Variants in ZNF609 observed in about 807,000 individuals in gnomAD.
The protein encoded by ZNF609 is zinc finger protein 609.
Under a neutral mutation model 109.5 loss-of-function variants are expected in ZNF609, and 11 were observed. That is an observed-to-expected ratio of 0.10 (90% confidence interval 0.06 to 0.17). The LOEUF (loss-of-function observed/expected upper bound fraction) is 0.17. ZNF609 is among the 10% of genes least tolerant of loss of function. The pLI is 1.00. For missense variants in ZNF609, 1,559 were observed against 1,772.4 expected, an observed-to-expected ratio of 0.88 and a Z score of 2.16; for synonymous variants, 646 against 662.0, an observed-to-expected ratio of 0.98 and a Z score of 0.37.
chr15:64,588,296 G>T (rs1895232169), intron 2 of ZNF609, among the ~76,000 whole-genome samples: 1 of 149,718 alleles, frequency 6.7e-6, no homozygotes, highest in Admixed American at 6.6e-5. Context: ...GGGCGTGGTG[G>T]CGGGCACCTG....
At chr15:64,631,069 AT>A in intron 3 of ZNF609, 2 of 376,162 alleles carry the variant, frequency 5.3e-6, no homozygotes, top group Non-Finnish European at 1.0e-5. Context: ...GAAGAGAAAC[AT>A]TTTTACAGTC....
Position 64,577,192 on chromosome 15 carries a change from TAC to T in ZNF609, c.748-45629_748-45628del, listed in dbSNP as rs368718466. Among the ~76,000 whole-genome samples, 640 of 124,586 alleles carry T rather than the reference TAC, an allele frequency of 5.1e-3. 179 individuals carry two copies. Among genetic ancestry groups the T allele is most frequent in the South Asian group, 0.02 (82 of 4,132 alleles). The allele number at this position is 124,586 out of a possible 152,430, so 81.7% of individuals were successfully genotyped here. On this transcript the variant is annotated intron_variant, in intron 2 of 9. Coordinates refer to ENST00000326648, the MANE Select transcript of ZNF609 (RefSeq NM_015042.2). ...CAATATATACATATATGTGTATATATACACACAAATACATATATATGTATATA... is the reference window on the plus strand; with the variant it reads ...CAATATATACATATATGTGTATATATACACAAATACATATATATGTATATA...
intron 3 of ZNF609, among the ~76,000 whole-genome samples, chr15:64,652,567 T>G (rs1231840344): frequency 6.6e-6 from 1 of 151,998 alleles, no homozygotes; most frequent in Non-Finnish European, 1.5e-5. Flanking sequence ...TTATATTTTT[T>G]GTAGGTACGG....
intron 2 of ZNF609, among the ~76,000 whole-genome samples, chr15:64,602,970 C>T (rs1202473657): frequency 3.0e-5 from 4 of 133,690 alleles, no homozygotes; most frequent in Non-Finnish European, 1.5e-5. Context: ...TGGTCTCGAT[C>T]TCCTGACCTT....
intron 2 of ZNF609, among the ~76,000 whole-genome samples, chr15:64,507,020 G>A (rs1033363161): frequency 6.6e-6 from 1 of 152,150 alleles, no homozygotes; most frequent in African/African-American, 2.4e-5. Flanking sequence ...TAAAGCCCCT[G>A]ATAATTATAG....
chr15:64,594,412 A>C (rs1362140207), intron 2 of ZNF609, among the ~76,000 whole-genome samples: 3 of 151,374 alleles, frequency 2.0e-5, no homozygotes, highest in Admixed American at 2.0e-4. Flanking sequence ...AGCTCACTGC[A>C]ACCTCCACCT....
chr15:64,515,907 C>A (rs1893800742), intron 2 of ZNF609, among the ~76,000 whole-genome samples: 1 of 148,618 alleles, frequency 6.7e-6, no homozygotes, highest in South Asian at 2.1e-4. Context: ...CATTGCACTC[C>A]AGCTTGGGCA....
chr15:64,644,467 G>A (rs984719842), intron 3 of ZNF609, among the ~76,000 whole-genome samples: 2 of 152,110 alleles, frequency 1.3e-5, no homozygotes, highest in African/African-American at 2.4e-5. Flanking sequence ...CAGTCTAGGC[G>A]ACAAGAGTGA....
chr15:64,603,000 C>T (rs1160840750), intron 2 of ZNF609, among the ~76,000 whole-genome samples: 2 of 146,502 alleles, frequency 1.4e-5, no homozygotes, highest in Non-Finnish European at 1.5e-5. Flanking sequence ...CCACCTTGGT[C>T]TCCCAAAGTG....
At chr15:64,610,258 AATG>A (rs1895695860) in intron 2 of ZNF609, among the ~76,000 whole-genome samples, 1 of 152,164 alleles carries the variant, frequency 6.6e-6, no homozygotes, top group Non-Finnish European at 1.5e-5. Flanking sequence ...GTGAGAGCTA[AATG>A]ATGAGAACAC....
chr15:64,641,343 G>A (rs754928989), intron 3 of ZNF609, among the ~76,000 whole-genome samples: 3 of 148,066 alleles, frequency 2.0e-5, no homozygotes, highest in South Asian at 4.2e-4. Context: ...TCAGTCTCCC[G>A]AGTAGCTGGG....
chr15:64,545,044 T>C (rs1894332657), intron 2 of ZNF609, among the ~76,000 whole-genome samples: 1 of 152,238 alleles, frequency 6.6e-6, no homozygotes, highest in Non-Finnish European at 1.5e-5. Context: ...ACTTGCTATT[T>C]AGCAAGATTA....
rs1207826361 is a variant in ZNF609 at position 64,591,278 on chromosome 15, A to C, written c.748-31549A>C. Among the ~76,000 whole-genome samples, 4 of 152,070 alleles carry C rather than the reference A, an allele frequency of 2.6e-5. No individual in the cohort carries two copies. The East Asian group carries it at 5.8e-4, about 22-fold the overall frequency. On this transcript the variant is annotated intron_variant, in intron 2 of 9. Coordinates refer to ENST00000326648, the MANE Select transcript of ZNF609 (RefSeq NM_015042.2). ...CCCCGTATCTACTAAAAATACAAAA[A>C]TTAGCTGAGTGTGGTGGCATGCACC...
Position 64,504,415 on chromosome 15 carries a change from A to C in ZNF609, c.747+4249A>C, listed in dbSNP as rs145905661. On this transcript the variant is annotated intron_variant, in intron 2 of 9. Transcript: ENST00000326648. ...GGCATGTTGTTACTCTGGGATTCTT[A>C]ACAAATCTTTAACTGTCAGGAAGGA... 3.3e-5 allele frequency among the ~76,000 whole-genome samples: 5 copies of C among 152,288 alleles called. No individual in the cohort carries two copies. In the East Asian group the frequency reaches 9.6e-4, roughly 29 times the overall value.
At chr15:64,553,269 TA>T (rs111971556) in intron 2 of ZNF609, among the ~76,000 whole-genome samples, 3,443 of 140,416 alleles carry the variant, frequency 0.025, 54 homozygotes, top group African/African-American at 0.035. Context: ...GTCCATGCCT[TA>T]AAAAAAAAAA....
intron 2 of ZNF609, among the ~76,000 whole-genome samples, chr15:64,614,584 G>A (rs1055501088): frequency 4.6e-5 from 7 of 151,804 alleles, no homozygotes; most frequent in African/African-American, 1.7e-4. Context: ...TAGATAAATG[G>A]GGTTTTATTT....
At chr15:64,595,286 G>T (rs1258896524) in intron 2 of ZNF609, among the ~76,000 whole-genome samples, 2 of 151,398 alleles carry the variant, frequency 1.3e-5, no homozygotes, top group African/African-American at 4.9e-5. Context: ...ACTTGAACCC[G>T]GGAGGCAGAG....
Position 64,647,564 on chromosome 15 carries a change from C to T in ZNF609, c.974-22782C>T, listed in dbSNP as rs1379228637. On this transcript the variant is annotated intron_variant, in intron 3 of 9. Coordinates refer to ENST00000326648, the MANE Select transcript of ZNF609 (RefSeq NM_015042.2). ...AATTGAGACCCTTCTCTATATATTT[C>T]GTAATCTTCTTTGTTTAGAGAAATA... is the stretch of plus-strand genomic sequence containing the variant. 5.9e-5 allele frequency among the ~76,000 whole-genome samples: 9 copies of T among 151,940 alleles called. No homozygotes were observed. The East Asian group carries it at 1.4e-3, about 23-fold the overall frequency.
At chr15:64,498,414 G>C (rs1364246112) in intron 1 of ZNF609, among the ~76,000 whole-genome samples, 1 of 152,102 alleles carries the variant, frequency 6.6e-6, no homozygotes, top group Non-Finnish European at 1.5e-5. Context: ...TGTTTCCTAT[G>C]GTGTGAGGCC....
Sources: gnomAD v4.1 joint callset for allele counts (sites outside exome capture counted in the v4.1 genomes callset) on GRCh38, gnomAD v4.1.1 for gene constraint, MANE v1.5 for transcripts, NCBI Gene and HGNC (gene_info 2026-07-23, HGNC 2026-07-21) for gene names.